STK38: variants seen among roughly 807,000 people sequenced by gnomAD.
STK38 encodes the protein serine/threonine-protein kinase 38.
Under a neutral mutation model 59.0 loss-of-function variants are expected in STK38, and 26 were observed. That is an observed-to-expected ratio of 0.44 (90% CI 0.32 to 0.61). The LOEUF (loss-of-function observed/expected upper bound fraction) is 0.61. Ranked by LOEUF, STK38 falls within the 20% of genes least tolerant of loss-of-function variation. The pLI is 0.04. For missense variants in STK38, 433 were observed against 566.0 expected, an observed-to-expected ratio of 0.76 and a Z score of 2.38; for synonymous variants, 175 against 176.6, an observed-to-expected ratio of 0.99 and a Z score of 0.07.
At chr6:36,507,441 G>T in intron 8 of STK38, 59 bp downstream of exon 8, 1 of 1,409,408 alleles carries the variant, frequency 7.1e-7, no homozygotes, top group Non-Finnish European at 1.0e-6. Flanking sequence ...GGTTACAAGG[G>T]AAACAGCTCT....
intron 7 of STK38, among the ~76,000 whole-genome samples, chr6:36,511,316 G>A (rs1777102774): frequency 6.6e-6 from 1 of 152,224 alleles, no homozygotes; most frequent in Non-Finnish European, 1.5e-5. Flanking sequence ...CTGCCAAACA[G>A]GGACAGCTTT....
At chr6:36,516,944 A>T (rs1561981524) in intron 6 of STK38, among the ~76,000 whole-genome samples, 1 of 152,244 alleles carries the variant, frequency 6.6e-6, no homozygotes, top group African/African-American at 2.4e-5. Context: ...ATGTTAAAAA[A>T]GTTTCTCCTC....
At chr6:36,536,301 G>A (rs1332238426) in intron 2 of STK38, among the ~76,000 whole-genome samples, 4 of 152,038 alleles carry the variant, frequency 2.6e-5, no homozygotes, top group African/African-American at 9.7e-5. Context: ...ATGGATCACA[G>A]AACTAAATGT....
chr6:36,497,713 T>C, intron 12 of STK38, 67 bp downstream of exon 12: 1 of 1,346,344 alleles, frequency 7.4e-7, no homozygotes, highest in Non-Finnish European at 1.0e-6. Flanking sequence ...TGATGGTCCT[T>C]CCAAATTATT....
chr6:36,529,766 T>C (rs1240936402), intron 2 of STK38, among the ~76,000 whole-genome samples: 5 of 152,220 alleles, frequency 3.3e-5, no homozygotes, highest in Non-Finnish European at 5.9e-5. Flanking sequence ...TGTATAGCAA[T>C]GTGCAGACAC....
intron 2 of STK38, among the ~76,000 whole-genome samples, chr6:36,539,459 T>C (rs956213848): frequency 1.2e-4 from 18 of 151,766 alleles, no homozygotes; most frequent in Middle Eastern, 6.9e-3. Context: ...GTAATAACAA[T>C]AGCTGATACT....
At chr6:36,539,301 G>T (rs775484352) in intron 2 of STK38, among the ~76,000 whole-genome samples, 1 of 150,962 alleles carries the variant, frequency 6.6e-6, no homozygotes, top group Non-Finnish European at 1.5e-5. Flanking sequence ...CACGAGAACC[G>T]CTTGAACCCA....
intron 1 of STK38, among the ~76,000 whole-genome samples, chr6:36,541,564 G>A (rs1428723810): frequency 1.3e-5 from 2 of 152,184 alleles, no homozygotes; most frequent in African/African-American, 2.4e-5. Flanking sequence ...AATTAATTCA[G>A]TATGAAAAAG....
intron 5 of STK38, among the ~76,000 whole-genome samples, chr6:36,519,663 G>C (rs1032024316): frequency 6.6e-5 from 10 of 152,184 alleles, no homozygotes; most frequent in Non-Finnish European, 4.4e-5. Flanking sequence ...GGAAGAGTCT[G>C]AGGTGCAATT....
chr6:36,541,168 A>G (rs1777927115), intron 1 of STK38, among the ~76,000 whole-genome samples: 1 of 151,646 alleles, frequency 6.6e-6, no homozygotes, highest in Admixed American at 6.6e-5. Flanking sequence ...CAAAGTGCTG[A>G]GGATAACAGG....
rs527324187 is a variant in STK38 at position 36,530,566 on chromosome 6, T to C, written c.132-4924A>G. Among the ~76,000 whole-genome samples, 51 of 152,078 alleles carry C rather than the reference T, an allele frequency of 3.4e-4. No individual in the cohort carries two copies. In the South Asian group the frequency reaches 0.01, roughly 31 times the overall value. On this transcript the variant is annotated intron_variant, in intron 2 of 13. Transcript: ENST00000229812. Reference sequence around the variant, plus strand: ...TTTTAGGAGAGATGGGGTTTCACCATGTTGGCCAGTCTGGTCTCGAACTCC... The same window carrying C: ...TTTTAGGAGAGATGGGGTTTCACCACGTTGGCCAGTCTGGTCTCGAACTCC...
Position 36,495,683 on chromosome 6 carries a change from T to G in STK38, c.*101A>C. 6.7e-7 allele frequency: 1 copy of G among 1,485,046 alleles called. No individual in the cohort carries two copies. Among genetic ancestry groups the G allele is most frequent in the Non-Finnish European group, 9.2e-7 (1 of 1,087,864 alleles). 92.0% of individuals were successfully genotyped at this position (1,485,046 alleles called of 1,614,324 possible). On this transcript the variant is annotated 3_prime_UTR_variant, in exon 14 of 14. Transcript: ENST00000229812. ...AGGAGACTTTACTATGACATATTGG[T>G]GGGTTCCATCAACTTCTTGGAAGCT... is the stretch of plus-strand genomic sequence containing the variant.
intron 2 of STK38, among the ~76,000 whole-genome samples, chr6:36,527,279 C>T (rs1490236529): frequency 7.1e-6 from 1 of 141,608 alleles, no homozygotes; most frequent in Non-Finnish European, 1.5e-5. Context: ...CACATGTATA[C>T]ATATATACAT....
intron 7 of STK38, among the ~76,000 whole-genome samples, chr6:36,508,307 CT>C (rs1275310311): frequency 3.9e-5 from 6 of 152,260 alleles, no homozygotes; most frequent in Admixed American, 2.0e-4. Context: ...TACCATCCCC[CT>C]AATACTGGAT....
chr6:36,509,306 TG>T (rs764971516), intron 7 of STK38, among the ~76,000 whole-genome samples: 17 of 152,226 alleles, frequency 1.1e-4, no homozygotes, highest in East Asian at 3.9e-4. Flanking sequence ...CAGCCCTCAG[TG>T]CAGAAAAGAC....
At chr6:36,526,439 A>C (rs1421301318) in intron 2 of STK38, among the ~76,000 whole-genome samples, 1 of 152,196 alleles carries the variant, frequency 6.6e-6, no homozygotes, top group Non-Finnish European at 1.5e-5. Flanking sequence ...AAAGTGATCA[A>C]AAAGGTGACT....
At chr6:36,511,661 A>ATG (rs1373640870) in intron 7 of STK38, among the ~76,000 whole-genome samples, 1 of 151,844 alleles carries the variant, frequency 6.6e-6, no homozygotes, top group Non-Finnish European at 1.5e-5. Context: ...TGGCCTCAGT[A>ATG]TCTTTTTTTG....
At chr6:36,513,664 A>G (rs1223291756) in intron 7 of STK38, among the ~76,000 whole-genome samples, 2 of 150,768 alleles carry the variant, frequency 1.3e-5, no homozygotes, top group African/African-American at 2.4e-5. Context: ...TCTCTGCTAC[A>G]CTCTCTAGCC....
At chr6:36,512,287 T>C (rs969136958) in intron 7 of STK38, among the ~76,000 whole-genome samples, 1 of 152,122 alleles carries the variant, frequency 6.6e-6, no homozygotes, top group Non-Finnish European at 1.5e-5. Context: ...TAGCATAATA[T>C]AAAGGGCAAA....
Sources: gnomAD v4.1 joint callset for allele counts (sites outside exome capture counted in the v4.1 genomes callset) on GRCh38, gnomAD v4.1.1 for gene constraint, MANE v1.5 for transcripts, NCBI Gene and HGNC (gene_info 2026-07-23, HGNC 2026-07-21) for gene names.